The following MTUS1 variants were observed in gnomAD, a reference collection of about 807,000 sequenced individuals.
MTUS1 encodes the protein microtubule-associated tumor suppressor 1.
In MTUS1, 109 loss-of-function variants were observed where a neutral mutation model predicts 120.8. The observed-to-expected ratio is 0.90, with a 90% CI of 0.77 to 1.06. The LOEUF is 1.06. MTUS1 is among the 50% of genes least tolerant of loss of function. The probability of loss-of-function intolerance (pLI) is 0.00; values close to 1 mark genes in which losing one functional copy is unlikely to be tolerated. For synonymous variants in MTUS1, 737 were observed against 550.5 expected (o/e 1.34, Z -4.74); for missense variants, 2,210 against 1,486.3 (o/e 1.49, Z -8.01).
chr8:17,723,387 G>A, intron 4 of MTUS1: 1 of 456,290 alleles, frequency 2.2e-6, no homozygotes, highest in Non-Finnish European at 4.0e-6. Flanking sequence ...TCCAGTTAGA[G>A]TCCAAATCCC....
intron 1 of MTUS1, among the ~76,000 whole-genome samples, chr8:17,788,070 G>A (rs911998854): frequency 3.3e-5 from 5 of 152,084 alleles, no homozygotes; most frequent in South Asian, 2.1e-4. Context: ...GCAGTGAGCC[G>A]AGATCGTGCC....
At chr8:17,668,265 T>C (rs1388963693) in intron 8 of MTUS1, among the ~76,000 whole-genome samples, 6 of 152,210 alleles carry the variant, frequency 3.9e-5, no homozygotes, top group Non-Finnish European at 2.9e-5. Context: ...TAGTGCATTT[T>C]ATGTGTGGCA....
At chr8:17,660,911 A>G (rs967834368) in intron 8 of MTUS1, among the ~76,000 whole-genome samples, 1 of 152,206 alleles carries the variant, frequency 6.6e-6, no homozygotes, top group Non-Finnish European at 1.5e-5. Flanking sequence ...ATAGAACCCA[A>G]AAAGACAGAC....
chr8:17,739,358 T>C (rs1047522093), intron 3 of MTUS1, among the ~76,000 whole-genome samples: 3 of 151,966 alleles, frequency 2.0e-5, no homozygotes, highest in Admixed American at 2.0e-4. Flanking sequence ...CCAGGTGTGG[T>C]GGTTCATGCC....
chr8:17,713,137 A>C, intron 6 of MTUS1, 77 bp downstream of exon 6: 1 of 1,201,410 alleles, frequency 8.3e-7, no homozygotes. Flanking sequence ...ACCAGTAAAA[A>C]ATCACTGTAA....
In MTUS1 at chr8:17,656,544, A is replaced by ACCC. The variant is rs781054052; in HGVS notation, c.2906-480_2906-479insGGG. 2.9e-3 allele frequency among the ~76,000 whole-genome samples: 200 copies of ACCC among 68,770 alleles called. 1 individual carries two copies. The highest frequency in any genetic ancestry group is 8.3e-3 in the African/African-American group (193 of 23,218). The allele number at this position is 68,770 out of a possible 152,430, so 45.1% of individuals were successfully genotyped here. A position where few individuals can be genotyped will look rare whatever the true frequency, so the allele number is the denominator to read the frequency against. On this transcript the variant is annotated intron_variant, in intron 8 of 14. Transcript: ENST00000693296. ...CTCCATCTCAAAAACAAACAAACAA[A>ACCC]ACCCCCCCCCACCCCACATTCAAAA...
intron 1 of MTUS1, among the ~76,000 whole-genome samples, chr8:17,788,802 A>C (rs946534393): frequency 1.3e-5 from 2 of 152,240 alleles, no homozygotes; most frequent in African/African-American, 4.8e-5. Context: ...TCAAAATTCC[A>C]TCAGAAAGTA....
intron 1 of MTUS1, among the ~76,000 whole-genome samples, chr8:17,789,399 A>C (rs368913005): frequency 1.2e-4 from 19 of 152,250 alleles, no homozygotes; most frequent in African/African-American, 4.6e-4. Flanking sequence ...AGACTGTTTG[A>C]GGGACGTGGG....
At chr8:17,749,235 C>A (rs990826178) in intron 2 of MTUS1, among the ~76,000 whole-genome samples, 1 of 152,144 alleles carries the variant, frequency 6.6e-6, no homozygotes, top group South Asian at 2.1e-4. Flanking sequence ...ACAATCAACT[C>A]CCCCTGAAGC....
chr8:17,757,779 G>T (rs540160548), intron 1 of MTUS1, among the ~76,000 whole-genome samples: 1 of 152,154 alleles, frequency 6.6e-6, no homozygotes, highest in East Asian at 1.9e-4. Context: ...TGCCCACCTC[G>T]GCCTCCCAAA....
intron 6 of MTUS1, among the ~76,000 whole-genome samples, chr8:17,688,135 C>T (rs1264729698): frequency 1.3e-5 from 2 of 152,162 alleles, no homozygotes; most frequent in East Asian, 1.9e-4. Flanking sequence ...CCTTGGGTTC[C>T]GTGAAACACA....
intron 1 of MTUS1, among the ~76,000 whole-genome samples, chr8:17,776,263 T>C (rs1345942254): frequency 6.6e-6 from 1 of 152,124 alleles, no homozygotes; most frequent in African/African-American, 2.4e-5. Context: ...GAAGGATGTG[T>C]TTTTATATGC....
intron 1 of MTUS1, among the ~76,000 whole-genome samples, chr8:17,788,187 C>A (rs2051467466): frequency 6.6e-6 from 1 of 152,120 alleles, no homozygotes; most frequent in Non-Finnish European, 1.5e-5. Context: ...ATCGTTACAC[C>A]AATATGTATT....
chr8:17,733,914 A>G (rs2046764653), intron 3 of MTUS1, among the ~76,000 whole-genome samples: 1 of 152,210 alleles, frequency 6.6e-6, no homozygotes, highest in African/African-American at 2.4e-5. Context: ...TAAACAGCAC[A>G]AAGCATCAAC....
At chr8:17,685,686 TA>T (rs1815635203) in intron 6 of MTUS1, among the ~76,000 whole-genome samples, 1 of 109,280 alleles carries the variant, frequency 9.2e-6, no homozygotes, top group Non-Finnish European at 2.3e-5. Flanking sequence ...TAAACTAAGT[TA>T]AAAACAGGGA....
At chr8:17,746,529 G>A (rs2047762208) in intron 2 of MTUS1, among the ~76,000 whole-genome samples, 1 of 152,012 alleles carries the variant, frequency 6.6e-6, no homozygotes, top group South Asian at 2.1e-4. Flanking sequence ...AAAAGCCAAG[G>A]GAAAGCAGTT....
chr8:17,650,301 T>C (rs1198377377), intron 12 of MTUS1, among the ~76,000 whole-genome samples: 2 of 152,194 alleles, frequency 1.3e-5, no homozygotes, highest in African/African-American at 2.4e-5. Context: ...TATTGGCATT[T>C]TCTGGGAGAA....
At chr8:17,680,870 G>C (rs1444300263) in intron 7 of MTUS1, among the ~76,000 whole-genome samples, 1 of 152,094 alleles carries the variant, frequency 6.6e-6, no homozygotes, top group Non-Finnish European at 1.5e-5. Context: ...ATCTCAAATT[G>C]ACTCCCGGGC....
At chr8:17,749,129 A>C (rs1053741166) in intron 2 of MTUS1, among the ~76,000 whole-genome samples, 5 of 152,160 alleles carry the variant, frequency 3.3e-5, no homozygotes, top group African/African-American at 1.2e-4. Flanking sequence ...ATACTCTCCG[A>C]AGGGTTGGAA....
Sources: gnomAD v4.1 joint callset for allele counts (sites outside exome capture counted in the v4.1 genomes callset) on GRCh38, gnomAD v4.1.1 for gene constraint, MANE v1.5 for transcripts, NCBI Gene and HGNC (gene_info 2026-07-23, HGNC 2026-07-21) for gene names.